The following CACNA2D3 variants were observed in gnomAD, a reference collection of about 807,000 sequenced individuals.
CACNA2D3 encodes the protein calcium voltage-gated channel auxiliary subunit alpha2delta 3.
Under a neutral mutation model 160.6 loss-of-function variants are expected in CACNA2D3, and 60 were observed. The observed-to-expected ratio is 0.37, with a 90% CI of 0.30 to 0.46. The LOEUF is 0.46. Among genes scored for constraint, CACNA2D3 ranks in the 20% least tolerant of loss-of-function variants. CACNA2D3 has a pLI of 1.00. For missense variants in CACNA2D3, 1,205 were observed against 1,365.0 expected, an observed-to-expected ratio of 0.88 and a Z score of 1.85; for synonymous variants, 558 against 492.9, an observed-to-expected ratio of 1.13 and a Z score of -1.75.
intron 29 of CACNA2D3, among the ~76,000 whole-genome samples, chr3:54,982,114 G>A (rs375346950): frequency 3.9e-5 from 6 of 152,146 alleles, no homozygotes; most frequent in African/African-American, 1.4e-4. Context: ...CCCATGTCCT[G>A]TGGTCCTGTA....
At chr3:54,412,138 A>G (rs1036333921) in intron 4 of CACNA2D3, among the ~76,000 whole-genome samples, 3 of 152,120 alleles carry the variant, frequency 2.0e-5, no homozygotes, top group East Asian at 1.9e-4. Context: ...ATTGATCATA[A>G]TGTCTGATAT....
chr3:55,045,694 G>T (rs1449580058), intron 35 of CACNA2D3, among the ~76,000 whole-genome samples: 1 of 151,982 alleles, frequency 6.6e-6, no homozygotes, highest in Admixed American at 6.6e-5. Context: ...TGATTGTTTT[G>T]TATTTCCTTA....
At chr3:54,848,324 A>G (rs1698979400) in intron 17 of CACNA2D3, among the ~76,000 whole-genome samples, 1 of 152,222 alleles carries the variant, frequency 6.6e-6, no homozygotes, top group Non-Finnish European at 1.5e-5. Flanking sequence ...AACACATGCC[A>G]TTGCTGTTCT....
intron 35 of CACNA2D3, among the ~76,000 whole-genome samples, chr3:55,046,088 CTTTT>C (rs201416523): frequency 6.8e-6 from 1 of 147,980 alleles, no homozygotes; most frequent in South Asian, 2.1e-4. Context: ...TTATGTTACA[CTTTT>C]TTTTTTAACG....
chr3:54,179,901 T>C (rs1316477079), intron 2 of CACNA2D3, among the ~76,000 whole-genome samples: 2 of 152,154 alleles, frequency 1.3e-5, no homozygotes, highest in African/African-American at 2.4e-5. Context: ...TATGGTATTT[T>C]GTTATGGCAG....
chr3:54,922,169 A>G (rs1361309835), intron 27 of CACNA2D3, among the ~76,000 whole-genome samples: 2 of 151,998 alleles, frequency 1.3e-5, no homozygotes, highest in Non-Finnish European at 2.9e-5. Context: ...GGCCGTAGGA[A>G]CTCCCTGACT....
Position 54,409,051 on chromosome 3 carries a change from A to G in CACNA2D3, c.381+22277A>G, listed in dbSNP as rs546679301. Reference sequence around the variant, plus strand: ...CTTTATTCATTTATGTATTCTTCCAACAAATACAGATATGCTTCATTTTAT... The same window carrying G: ...CTTTATTCATTTATGTATTCTTCCAGCAAATACAGATATGCTTCATTTTAT... On this transcript the variant is annotated intron_variant, in intron 4 of 37. Transcript: ENST00000474759. 3.9e-5 allele frequency among the ~76,000 whole-genome samples: 6 copies of G among 152,338 alleles called. No individual in the cohort carries two copies. In the South Asian group the frequency reaches 8.3e-4, roughly 21 times the overall value.
chr3:54,134,760 CCCTCCTTGCCTCTGGGAG>C (rs1185845837), intron 2 of CACNA2D3, among the ~76,000 whole-genome samples: 1 of 152,240 alleles, frequency 6.6e-6, no homozygotes. Context: ...CTGGCCTTCC[CCCTCCTTGCCTCTGGGAG>C]CATCCCTGCC....
At chr3:54,728,046 A>G (rs147522529) in intron 11 of CACNA2D3, among the ~76,000 whole-genome samples, 139 of 152,234 alleles carry the variant, frequency 9.1e-4, no homozygotes, top group Middle Eastern at 3.4e-3. Flanking sequence ...AATTTGTATT[A>G]TGATATGTGT....
intron 11 of CACNA2D3, among the ~76,000 whole-genome samples, chr3:54,722,407 C>T (rs537898963): frequency 6.6e-6 from 1 of 152,216 alleles, no homozygotes; most frequent in Admixed American, 6.5e-5. Flanking sequence ...AAGCCTACTT[C>T]TGTCAATTTG....
At chr3:54,184,299 A>C (rs1044338078) in intron 2 of CACNA2D3, among the ~76,000 whole-genome samples, 7 of 152,228 alleles carry the variant, frequency 4.6e-5, no homozygotes, top group Non-Finnish European at 1.0e-4. Context: ...GACTACAGGT[A>C]GGCAATGTTT....
At chr3:54,813,904 G>A (rs376620487) in intron 13 of CACNA2D3, among the ~76,000 whole-genome samples, 2 of 133,848 alleles carry the variant, frequency 1.5e-5, no homozygotes, top group Non-Finnish European at 3.1e-5. Context: ...TCACTCTGTC[G>A]CCCAGGCTGG....
chr3:55,041,661 T>C (rs1703963495), intron 35 of CACNA2D3, among the ~76,000 whole-genome samples: 1 of 152,182 alleles, frequency 6.6e-6, no homozygotes. Context: ...GTTCACTTTC[T>C]ATTTCATTGC....
chr3:54,286,729 T>G (rs980637793), intron 2 of CACNA2D3, among the ~76,000 whole-genome samples: 1 of 152,192 alleles, frequency 6.6e-6, no homozygotes, highest in Middle Eastern at 3.2e-3. Context: ...ACCGGATCTC[T>G]CGGCAGAAAC....
chr3:54,133,636 G>A (rs1341832156), intron 2 of CACNA2D3, among the ~76,000 whole-genome samples: 2 of 152,150 alleles, frequency 1.3e-5, no homozygotes, highest in African/African-American at 4.8e-5. Flanking sequence ...GAGGAGGGCT[G>A]GTGAGCCCTC....
At chr3:54,822,056 T>A (rs556419416) in intron 14 of CACNA2D3, among the ~76,000 whole-genome samples, 7 of 152,336 alleles carry the variant, frequency 4.6e-5, no homozygotes, top group Non-Finnish European at 7.3e-5. Context: ...TTCTGGTTTA[T>A]GACTCATTTG....
At chr3:54,871,210 C>CAGAG (rs1559611341) in intron 17 of CACNA2D3, among the ~76,000 whole-genome samples, 15 of 116,354 alleles carry the variant, frequency 1.3e-4, no homozygotes, top group African/African-American at 4.7e-4. Context: ...CACACACACA[C>CAGAG]ACACACACAC....
intron 11 of CACNA2D3, among the ~76,000 whole-genome samples, chr3:54,674,187 A>C (rs1392166732): frequency 6.6e-6 from 1 of 152,220 alleles, no homozygotes; most frequent in Non-Finnish European, 1.5e-5. Flanking sequence ...TTAGCCAGCA[A>C]AAGCTTTGAA....
rs749421719 is a variant in CACNA2D3, at chr3:54,924,655, C to T, written c.2449+24787C>T. ...AATTTCTCCAGCCAGAGTTTAAGAC[C>T]GAGCAAGTGGCAATTGCATTTCCAG... On this transcript the variant is annotated intron_variant, in intron 27 of 37. Transcript: ENST00000474759. The T allele has an allele frequency of 2.2e-5, 36 of 1,614,030 alleles. No homozygotes were observed. In the Admixed American group the frequency reaches 3.7e-4, roughly 16 times the overall value.
Sources: allele counts gnomAD v4.1 joint callset (sites outside exome capture counted in the v4.1 genomes callset), GRCh38; gene constraint gnomAD v4.1.1; transcripts MANE v1.5; gene names NCBI Gene and HGNC (gene_info 2026-07-23, HGNC 2026-07-21).